Variants in NEDD4L observed in about 807,000 individuals in gnomAD.
NEDD4L encodes the protein E3 ubiquitin-protein ligase NEDD4-like.
A neutral mutation model predicts 148.9 loss-of-function variants in NEDD4L; 54 were observed. The ratio of observed to expected loss-of-function variants is 0.36; its 90% CI spans 0.29 to 0.45. NEDD4L has a LOEUF of 0.45. NEDD4L is among the 20% of genes least tolerant of loss of function. NEDD4L has a pLI of 1.00. For missense variants in NEDD4L, 856 were observed against 1,233.8 expected, an observed-to-expected ratio of 0.69 and a Z score of 4.59; for synonymous variants, 433 against 440.7, an observed-to-expected ratio of 0.98 and a Z score of 0.22.
chr18:58,382,190 G>A (rs1447944688), intron 24 of NEDD4L, among the ~76,000 whole-genome samples: 2 of 152,220 alleles, frequency 1.3e-5, no homozygotes, highest in African/African-American at 2.4e-5. Flanking sequence ...GCGTGGAGAA[G>A]CCGCATGAGA....
At chr18:58,315,356 C>T (rs1162643958) in intron 5 of NEDD4L, among the ~76,000 whole-genome samples, 2 of 151,788 alleles carry the variant, frequency 1.3e-5, no homozygotes, top group African/African-American at 4.8e-5. Flanking sequence ...TCTTTGAAGT[C>T]GGGAGAGATA....
rs1032548469 is a variant in NEDD4L, at chr18:58,071,979, A to G, written c.48+27271A>G. 2.7e-4 allele frequency among the ~76,000 whole-genome samples: 41 copies of G among 152,222 alleles called. 1 individual carries two copies. The highest frequency in any genetic ancestry group is 2.2e-4 in the Non-Finnish European group (15 of 68,044). On this transcript the variant is annotated intron_variant, in intron 1 of 30. Coordinates refer to ENST00000400345, the MANE Select transcript of NEDD4L (RefSeq NM_001144967.3). Reference sequence around the variant, plus strand: ...AATTCAAGGTGAGATTTGGGTGGGGACACAGAGCCAAACCATATCAAGTTG... The same window carrying G: ...AATTCAAGGTGAGATTTGGGTGGGGGCACAGAGCCAAACCATATCAAGTTG...
At position 58,234,045 on chromosome 18, in the gene NEDD4L, TTTTCTTTC is replaced by T. The variant is rs1156456436; in HGVS notation, c.123-11330_123-11323del. Among the ~76,000 whole-genome samples the T allele has an allele frequency of 8.7e-3, 1,023 of 117,944 alleles. 11 individuals are homozygous for T. The highest frequency in any genetic ancestry group is 0.01 in the Non-Finnish European group (571 of 56,796). 77.4% of individuals were successfully genotyped at this position (117,944 alleles called of 152,430 possible). Reference sequence around the variant, plus strand: ...CAACCTAATGACCTCATTTCTTTCCTTTTCTTTCTTTCTTTCTTTCTTTCTTTCTTTCT... The same window carrying T: ...CAACCTAATGACCTCATTTCTTTCCTTTTCTTTCTTTCTTTCTTTCTTTCT... On this transcript the variant is annotated intron_variant, in intron 2 of 30. Coordinates refer to ENST00000400345, the MANE Select transcript of NEDD4L (RefSeq NM_001144967.3).
At position 58,281,397 on chromosome 18, in the gene NEDD4L, C is replaced by T. The variant is rs902969831; in HGVS notation, c.297+29343C>T. The stretch of plus-strand genomic sequence containing the variant: ...CCTTAGTTAGCATAACTGTGTAGTA[C>T]AAGATGTAAAAACCTGTTGAAGTGG... On this transcript the variant is annotated intron_variant, in intron 5 of 30. Coordinates refer to ENST00000400345, the MANE Select transcript of NEDD4L (RefSeq NM_001144967.3). 1.7e-4 allele frequency among the ~76,000 whole-genome samples: 26 copies of T among 151,168 alleles called. No homozygotes were observed. In the Middle Eastern group the frequency reaches 0.017, roughly 99 times the overall value.
At chr18:58,117,872 C>T (rs2085959881) in intron 1 of NEDD4L, among the ~76,000 whole-genome samples, 1 of 152,200 alleles carries the variant, frequency 6.6e-6, no homozygotes, top group South Asian at 2.1e-4. Context: ...TCCCGTCTTC[C>T]TCGTCAGTGC....
intron 5 of NEDD4L, among the ~76,000 whole-genome samples, chr18:58,254,534 G>T (rs1395916399): frequency 1.4e-5 from 2 of 142,704 alleles, no homozygotes; most frequent in African/African-American, 5.2e-5. Flanking sequence ...CATTTCTTCT[G>T]TGTGGTATTT....
chr18:58,057,924 A>G (rs937227274), intron 1 of NEDD4L, among the ~76,000 whole-genome samples: 6 of 152,222 alleles, frequency 3.9e-5, no homozygotes, highest in African/African-American at 1.4e-4. Flanking sequence ...TGTATCAAGA[A>G]TGAGCAACTT....
chr18:58,069,845 A>G (rs992323460), intron 1 of NEDD4L, among the ~76,000 whole-genome samples: 4 of 152,252 alleles, frequency 2.6e-5, no homozygotes, highest in African/African-American at 7.2e-5. Context: ...TCAAGAAAAC[A>G]CTGGGATCTC....
intron 5 of NEDD4L, among the ~76,000 whole-genome samples, chr18:58,284,978 A>G (rs1465542381): frequency 6.6e-6 from 1 of 152,182 alleles, no homozygotes; most frequent in Non-Finnish European, 1.5e-5. Flanking sequence ...CCCCGTCCTC[A>G]TCCATGATAC....
At chr18:58,283,268 G>A (rs1307593328) in intron 5 of NEDD4L, among the ~76,000 whole-genome samples, 2 of 152,052 alleles carry the variant, frequency 1.3e-5, no homozygotes, top group African/African-American at 4.8e-5. Flanking sequence ...TAGAGACGGG[G>A]TTTCACCATG....
At chr18:58,077,368 T>C (rs2083226918) in intron 1 of NEDD4L, among the ~76,000 whole-genome samples, 1 of 151,918 alleles carries the variant, frequency 6.6e-6, no homozygotes, top group South Asian at 2.1e-4. Flanking sequence ...GCTTTTGCCA[T>C]GTTGCCCAGG....
intron 1 of NEDD4L, among the ~76,000 whole-genome samples, chr18:58,097,798 C>G (rs574890): frequency 0.27 from 40,708 of 151,978 alleles, 7,096 homozygotes; most frequent in African/African-American, 0.5. Flanking sequence ...TTGGGAGACT[C>G]AGGCTGGAGG....
At chr18:58,104,156 G>A (rs980393993) in intron 1 of NEDD4L, among the ~76,000 whole-genome samples, 2 of 152,214 alleles carry the variant, frequency 1.3e-5, no homozygotes, top group Non-Finnish European at 2.9e-5. Flanking sequence ...ACTGATACCT[G>A]CTACAATGCG....
chr18:58,345,989 C>T (rs1035806246), intron 16 of NEDD4L, among the ~76,000 whole-genome samples: 8 of 151,336 alleles, frequency 5.3e-5, no homozygotes, highest in Admixed American at 6.6e-5. Context: ...GAACTCCTGA[C>T]CTCAAGTGAT....
At chr18:58,381,777 C>G (rs1341113433) in intron 24 of NEDD4L, among the ~76,000 whole-genome samples, 1 of 152,168 alleles carries the variant, frequency 6.6e-6, no homozygotes, top group Non-Finnish European at 1.5e-5. Flanking sequence ...ACTGTCCACG[C>G]ACCTCTGAGA....
At chr18:58,219,623 G>T in intron 2 of NEDD4L, among the ~76,000 whole-genome samples, 1 of 112,158 alleles carries the variant, frequency 8.9e-6, no homozygotes, top group South Asian at 2.9e-4. Context: ...CAGGTCATTT[G>T]TGTACCTGTG....
At chr18:58,079,274 G>C (rs554019725) in intron 1 of NEDD4L, among the ~76,000 whole-genome samples, 1 of 152,096 alleles carries the variant, frequency 6.6e-6, no homozygotes, top group Admixed American at 6.6e-5. Context: ...TATTCCTAAG[G>C]GTTCATCTTT....
chr18:58,338,910 T>A (rs2042096159), intron 13 of NEDD4L, among the ~76,000 whole-genome samples: 1 of 152,148 alleles, frequency 6.6e-6, no homozygotes, highest in African/African-American at 2.4e-5. Flanking sequence ...AGCAATACTC[T>A]GTCTCAAAAA....
At chr18:58,224,807 A>C (rs2044173760) in intron 2 of NEDD4L, among the ~76,000 whole-genome samples, 2 of 151,892 alleles carry the variant, frequency 1.3e-5, no homozygotes, top group Non-Finnish European at 2.9e-5. Context: ...GTTTTTGTTG[A>C]GCTACATTTT....
Sources: allele counts gnomAD v4.1 joint callset (sites outside exome capture counted in the v4.1 genomes callset), GRCh38; gene constraint gnomAD v4.1.1; transcripts MANE v1.5; gene names NCBI Gene and HGNC (gene_info 2026-07-23, HGNC 2026-07-21).